The following TEX264 variants were observed in gnomAD, a reference collection of about 807,000 sequenced individuals.
TEX264 encodes the protein testis-expressed protein 264.
In TEX264, 13 loss-of-function variants were observed where a neutral mutation model predicts 23.4. That is an observed-to-expected ratio of 0.56 (90% confidence interval 0.36 to 0.88). TEX264 has a LOEUF of 0.88. Ranked by LOEUF, TEX264 falls within the 40% of genes least tolerant of loss-of-function variation. The pLI is 0.01. For missense variants in TEX264, 340 were observed against 406.8 expected (o/e 0.84, Z 1.41); for synonymous variants, 159 against 170.0 (o/e 0.94, Z 0.50).
rs1703197140 is a variant in TEX264 at position 51,699,442 on chromosome 3, T to C, written c.517T>C (p.Tyr173His). The C allele has an allele frequency of 6.2e-7, 1 of 1,614,102 alleles. No homozygotes were observed. Among genetic ancestry groups the C allele is most frequent in the East Asian group, 2.2e-5 (1 of 44,886 alleles). The change falls in exon 4 of 5, where the codon TAC becomes CAC. Residue 173 changes from tyrosine to histidine, a missense_variant. Transcript: ENST00000341333. ...GTGTGCCTATCCTCGGCTGGAGATC[T>C]ACCAGGAAGACCAGATCCATTTCAT... ...KLCAYPRLEI[Y>H]QEDQIHFMCP...
At position 51,691,237 on chromosome 3, in the gene TEX264, G is replaced by A. The variant is rs1702817641; in HGVS notation, c.480+6603G>A. On this transcript the variant is annotated intron_variant, in intron 3 of 4. Transcript: ENST00000341333. This position sits in a 1 kb window ranked among gnomAD's most constrained non-coding sequence, Gnocchi z 4.4. ...AAGCAGCTGCTGCAGGCACCTTATC[G>A]GGCCTCTTGTCCACACCCTCAGTGA... 6.6e-6 allele frequency among the ~76,000 whole-genome samples: 1 copy of A among 152,136 alleles called. No homozygotes were observed. The highest frequency in any genetic ancestry group is 1.5e-5 in the Non-Finnish European group (1 of 68,024).
At chr3:51,690,914 C>G (rs1240507518) in intron 3 of TEX264, among the ~76,000 whole-genome samples, 1 of 152,232 alleles carries the variant, frequency 6.6e-6, no homozygotes, top group Non-Finnish European at 1.5e-5. Context: ...GACTGGGTCC[C>G]TTAGGCCGAG....
chr3:51,690,018 G>C, intron 3 of TEX264, among the ~76,000 whole-genome samples: 1 of 152,218 alleles, frequency 6.6e-6, no homozygotes, highest in Non-Finnish European at 1.5e-5. Context: ...GTGGGCCCCA[G>C]CAGATTGCCT....
chr3:51,693,334 G>T (rs1176617849), intron 3 of TEX264, among the ~76,000 whole-genome samples: 3 of 152,088 alleles, frequency 2.0e-5, no homozygotes, highest in African/African-American at 7.2e-5. Flanking sequence ...TCCCACTCCT[G>T]CAGTCTTCCC....
intron 1 of TEX264, among the ~76,000 whole-genome samples, chr3:51,673,847 T>G (rs1340291834): frequency 1.3e-5 from 2 of 152,180 alleles, no homozygotes; most frequent in Admixed American, 6.5e-5. Flanking sequence ...TTGGGGAGGC[T>G]GGGCTGGTGG....
chr3:51,675,502 C>T (rs1232093473), intron 2 of TEX264, among the ~76,000 whole-genome samples: 1 of 152,218 alleles, frequency 6.6e-6, no homozygotes, highest in African/African-American at 2.4e-5. Flanking sequence ...CTGGTTCCCT[C>T]TCTGTGCCAG....
chr3:51,693,759 C>CT (rs1365784652), intron 3 of TEX264, among the ~76,000 whole-genome samples: 1 of 152,114 alleles, frequency 6.6e-6, no homozygotes, highest in Non-Finnish European at 1.5e-5. Flanking sequence ...GGATGACAGG[C>CT]GTGAGCCACC....
intron 3 of TEX264, among the ~76,000 whole-genome samples, chr3:51,694,282 C>G (rs1470378555): frequency 6.6e-6 from 1 of 152,124 alleles, no homozygotes; most frequent in Non-Finnish European, 1.5e-5. Context: ...ATGCACCTGT[C>G]ACCACACCTG....
At chr3:51,679,148 A>C (rs369078299) in intron 2 of TEX264, among the ~76,000 whole-genome samples, 107 of 152,294 alleles carry the variant, frequency 7.0e-4, no homozygotes, top group Non-Finnish European at 1.2e-3. Flanking sequence ...CTCCACTGCT[A>C]ACCAATGTGT....
At chr3:51,678,411 C>T (rs1559671602) in intron 2 of TEX264, among the ~76,000 whole-genome samples, 3 of 152,222 alleles carry the variant, frequency 2.0e-5, no homozygotes, top group Non-Finnish European at 4.4e-5. Flanking sequence ...CCTGTGCCAC[C>T]ATCACCTCTG....
rs548969235 is a variant in TEX264 at position 51,699,332 on chromosome 3, C to A, written c.481-74C>A. ...GGGACAGAATAGGTAATAGACAGTT[C>A]TGGGGGTCACCCAGGGACAAGTGAG... On this transcript the variant is annotated intron_variant, in intron 3 of 4. Coordinates refer to ENST00000341333, the MANE Select transcript of TEX264 (RefSeq NM_015926.6). The A allele has an allele frequency of 5.9e-6, 9 of 1,517,782 alleles. No individual in the cohort carries two copies. In the African/African-American group the frequency reaches 1.1e-4, roughly 18 times the overall value. The allele number at this position is 1,517,782 out of a possible 1,614,324, so 94.0% of individuals were successfully genotyped here. A position where few individuals can be genotyped will look rare whatever the true frequency, so the allele number is the denominator to read the frequency against.
intron 3 of TEX264, among the ~76,000 whole-genome samples, chr3:51,689,938 G>A (rs780484137): frequency 3.3e-5 from 5 of 152,176 alleles, no homozygotes; most frequent in South Asian, 2.1e-4. Context: ...GTTCTCCTGG[G>A]GTGGTGGTGA....
At chr3:51,676,164 G>A (rs557063562) in intron 2 of TEX264, among the ~76,000 whole-genome samples, 39 of 152,160 alleles carry the variant, frequency 2.6e-4, no homozygotes, top group Non-Finnish European at 5.3e-4. Context: ...CCCCTTCAAG[G>A]GCTCCGTTGT....
intron 2 of TEX264, chr3:51,684,174 A>G: frequency 1.8e-6 from 1 of 547,862 alleles, no homozygotes; most frequent in Non-Finnish European, 3.3e-6. Context: ...CTGGGTTTCC[A>G]CAGGGCATGG....
Position 51,684,574 on chromosome 3 carries a change from C to T in TEX264, c.420C>T (p.Thr140=). Residue 140 remains threonine (T), a synonymous_variant, in exon 3 of 5, where the codon ACC becomes ACT. Coordinates refer to ENST00000341333, the MANE Select transcript of TEX264 (RefSeq NM_015926.6). ...HVVTATFPYT[T]ILSIWLATRR... ...TGACAGCCACCTTCCCCTACACCACCATTCTGTCCATCTGGCTGGCTACCC... is the reference window on the plus strand; with the variant it reads ...TGACAGCCACCTTCCCCTACACCACTATTCTGTCCATCTGGCTGGCTACCC... The T allele has an allele frequency of 6.2e-7, 1 of 1,614,238 alleles. No homozygotes were observed. The highest frequency in any genetic ancestry group is 8.5e-7 in the Non-Finnish European group (1 of 1,180,040).
At chr3:51,685,641 G>A (rs1006726224) in intron 3 of TEX264, among the ~76,000 whole-genome samples, 1 of 152,228 alleles carries the variant, frequency 6.6e-6, no homozygotes, top group African/African-American at 2.4e-5. Context: ...GGAAGTCACT[G>A]CAGTGTTCCA....
In TEX264 at chr3:51,674,465, T is replaced by TG; in HGVS notation, c.165dup (p.Leu56AlafsTer4). 1 of 1,614,176 alleles carries TG rather than the reference T, an allele frequency of 6.2e-7. No homozygotes were observed. Among genetic ancestry groups the TG allele is most frequent in the African/African-American group, 1.3e-5 (1 of 75,040 alleles). On this transcript the variant is annotated frameshift_variant, in exon 2 of 5. Coordinates refer to ENST00000341333, the MANE Select transcript of TEX264 (RefSeq NM_015926.6). LOFTEE classifies it high-confidence loss of function. Reference sequence around the variant, plus strand: ...GTCACTGTGGCCTACAAGTTCCACATGGGGCTCTATGGTGAGACTGGGCGG... The same window carrying TG: ...GTCACTGTGGCCTACAAGTTCCACATGGGGGCTCTATGGTGAGACTGGGCGG...
chr3:51,673,694 A>G (rs1193235429), intron 1 of TEX264, among the ~76,000 whole-genome samples: 1 of 152,196 alleles, frequency 6.6e-6, no homozygotes, highest in Non-Finnish European at 1.5e-5. Context: ...AGATGTACTT[A>G]GAAAAGGAGA....
Position 51,704,264 on chromosome 3 carries a change from A to T in TEX264, c.*248A>T. ...CACCCCTGTTGTGTCTTTTTTTCAG[A>T]CTCACAGTGGAGCTTCCAGGACCCA... is the stretch of plus-strand genomic sequence containing the variant. On this transcript the variant is annotated 3_prime_UTR_variant, in exon 5 of 5. Transcript: ENST00000341333. 1 of 367,692 alleles carries T rather than the reference A, an allele frequency of 2.7e-6. No homozygotes were observed. The highest frequency in any genetic ancestry group is 4.8e-6 in the Non-Finnish European group (1 of 206,920). The allele number at this position is 367,692 out of a possible 1,614,324, so 22.8% of individuals were successfully genotyped here. A position where few individuals can be genotyped will look rare whatever the true frequency, so the allele number is the denominator to read the frequency against.
Sources: gnomAD v4.1 joint callset for allele counts (sites outside exome capture counted in the v4.1 genomes callset) on GRCh38, gnomAD v4.1.1 for gene constraint, Gnocchi (gnomAD v3.1) non-coding constraint, MANE v1.5 for transcripts, NCBI Gene and HGNC (gene_info 2026-07-23, HGNC 2026-07-21) for gene names.